Variants in TRPV1 observed in about 807,000 individuals in gnomAD.
The protein encoded by TRPV1 is transient receptor potential cation channel subfamily V member 1.
A neutral mutation model predicts 82.3 loss-of-function variants in TRPV1; 82 were observed. The ratio of observed to expected loss-of-function variants is 1.00; its 90% confidence interval spans 0.83 to 1.20. The LOEUF (loss-of-function observed/expected upper bound fraction) is 1.20, where lower values mean the gene tolerates loss of function less well. Among genes scored for constraint, TRPV1 ranks in the 50% most tolerant of loss-of-function variants. The probability of loss-of-function intolerance (pLI) is 0.00; values close to 1 mark genes in which losing one functional copy is unlikely to be tolerated. For missense variants in TRPV1, 1,067 were observed against 1,096.8 expected (o/e 0.97, Z 0.38); for synonymous variants, 515 against 467.7 (o/e 1.10, Z -1.30).
At chr17:3,574,623 G>C (rs774305137) in intron 13 of TRPV1, among the ~76,000 whole-genome samples, 1 of 152,226 alleles carries the variant, frequency 6.6e-6, no homozygotes, top group Non-Finnish European at 1.5e-5. Flanking sequence ...GTGGGACTCG[G>C]ATGAGCATCA....
chr17:3,571,129 T>C (rs1376652059), intron 16 of TRPV1, among the ~76,000 whole-genome samples: 1 of 152,224 alleles, frequency 6.6e-6, no homozygotes, highest in Non-Finnish European at 1.5e-5. Context: ...CCTGTTTGTG[T>C]CCGCACAGCC....
At chr17:3,589,703 C>T (rs540017401) in intron 7 of TRPV1, 104 bp downstream of exon 7, 667 of 1,344,938 alleles carry the variant, frequency 5.0e-4, no homozygotes, top group Non-Finnish European at 5.3e-4. Flanking sequence ...ATCAGAGTCC[C>T]GCACACACAG....
At chr17:3,572,351 T>C (rs2150826316) in intron 14 of TRPV1, 102 bp from the exon 15 acceptor site, 1 of 1,421,728 alleles carries the variant, frequency 7.0e-7, no homozygotes, top group South Asian at 1.3e-5. Context: ...CTCCCAGGCC[T>C]AGATGCCTCC....
At chr17:3,600,978 C>T (rs995484515) in intron 2 of TRPV1, among the ~76,000 whole-genome samples, 1 of 152,152 alleles carries the variant, frequency 6.6e-6, no homozygotes, top group African/African-American at 2.4e-5. Flanking sequence ...CTTCCCTGAG[C>T]TCCATCCCTG....
chr17:3,606,199 T>G (rs222742), intron 2 of TRPV1, among the ~76,000 whole-genome samples: 26,294 of 152,208 alleles, frequency 0.17, 3,234 homozygotes, highest in East Asian at 0.53. Flanking sequence ...TGACCTCAAG[T>G]GATCCGCCCT....
rs946680160 is a variant in TRPV1, at chr17:3,573,849, G to A, written c.1887C>T (p.Asn629=). ...PACRPPDSSY[N]SLYSTCLELF... ...GCTCCAGGCAGGTGGAGTACAGGCT[G>A]TTGTAGGAGCTATCGGGGGGCCTGC... Residue 629 remains asparagine, a synonymous_variant, in exon 14 of 17, where the codon AAC becomes AAT. Coordinates refer to ENST00000572705, the MANE Select transcript of TRPV1 (RefSeq NM_080704.4). The A allele has an allele frequency of 4.3e-6, 7 of 1,613,100 alleles. No individual in the cohort carries two copies. The African/African-American group carries it at 9.4e-5, about 22-fold the overall frequency.
intron 1 of TRPV1, 152 bp from the exon 2 acceptor site, chr17:3,608,717 G>T (rs1367302836): frequency 2.0e-5 from 3 of 152,176 alleles, no homozygotes; most frequent in African/African-American, 7.2e-5. Context: ...TTTCCTGGGT[G>T]ATTGGGAGAC....
At position 3,573,538 on chromosome 17, in the gene TRPV1, A is replaced by G. The variant is rs2456855; in HGVS notation, c.2103+95T>C. ...ACCCTCCTGGCCACACACCGCCCCC[A>G]CCACCCACCCACCTGCAGCCAGCTG... On this transcript the variant is annotated intron_variant, in intron 14 of 16. Transcript: ENST00000572705. 9.5e-4 allele frequency: 235 copies of G among 248,662 alleles called. 38 individuals are homozygous for G. The highest frequency in any genetic ancestry group is 2.7e-3 in the East Asian group (24 of 8,780). The allele number at this position is 248,662 out of a possible 1,614,324, so 15.4% of individuals were successfully genotyped here.
intron 2 of TRPV1, among the ~76,000 whole-genome samples, chr17:3,593,096 G>GTC (rs1400494469): frequency 2.8e-4 from 2 of 7,198 alleles, no homozygotes; most frequent in African/African-American, 1.1e-3. Flanking sequence ...GTGTGTGTGT[G>GTC]TGTGTGTGTG....
intron 2 of TRPV1, among the ~76,000 whole-genome samples, chr17:3,606,729 A>G (rs1017216569): frequency 6.6e-6 from 1 of 152,152 alleles, no homozygotes; most frequent in Non-Finnish European, 1.5e-5. Flanking sequence ...CTGTTTATTG[A>G]CAAACTGGGA....
chr17:3,594,545 G>T (rs1211819944), intron 2 of TRPV1, among the ~76,000 whole-genome samples: 1 of 152,166 alleles, frequency 6.6e-6, no homozygotes, highest in Non-Finnish European at 1.5e-5. Context: ...ACGGACGGCT[G>T]GCTACTGGCC....
rs2074888211 is a variant in TRPV1, at chr17:3,573,550, C to CCCCCCCCCCCCCCCCT, written c.2103+82_2103+83insAGGGGGGGGGGGGGGG. On this transcript the variant is annotated intron_variant, in intron 14 of 16. Coordinates refer to ENST00000572705, the MANE Select transcript of TRPV1 (RefSeq NM_080704.4). ...ACACACCGCCCCCACCACCCACCCA[C>CCCCCCCCCCCCCCCCT]CTGCAGCCAGCTGTGTAAGACAGCA... The CCCCCCCCCCCCCCCCT allele has an allele frequency of 2.1e-5, 12 of 574,538 alleles. No individual in the cohort carries two copies. The South Asian group carries it at 2.7e-4, about 13-fold the overall frequency. 35.6% of individuals were successfully genotyped at this position (574,538 alleles called of 1,614,324 possible).
At chr17:3,575,145 T>A (rs182578972) in intron 13 of TRPV1, among the ~76,000 whole-genome samples, 78 of 152,250 alleles carry the variant, frequency 5.1e-4, no homozygotes, top group South Asian at 1.0e-3. Context: ...CTCTTCTCTA[T>A]AACAGAATGC....
At chr17:3,604,113 G>A (rs222740) in intron 2 of TRPV1, among the ~76,000 whole-genome samples, 5,491 of 152,330 alleles carry the variant, frequency 0.036, 116 homozygotes, top group Middle Eastern at 0.071. Flanking sequence ...ATCAGATGGC[G>A]TATGTGTCAC....
chr17:3,581,958 A>T (rs1341916829), intron 10 of TRPV1, among the ~76,000 whole-genome samples: 1 of 148,082 alleles, frequency 6.8e-6, no homozygotes, highest in South Asian at 2.2e-4. Flanking sequence ...TGGGAGGCCA[A>T]GGTGGGCGGA....
Position 3,591,274 on chromosome 17 carries a change from C to T in TRPV1, c.364G>A (p.Val122Ile), listed in dbSNP as rs767148333. Residue 122 changes from valine (V) to isoleucine (I), a missense_variant, in exon 4 of 17, where the codon GTT becomes ATT. Physicochemically the swap from Val to Ile is conservative, Grantham distance 29. Transcript: ENST00000572705. Reference protein sequence around the residue: ...LYDRRSIFEAVAQNNCQDLES... With the variant: ...LYDRRSIFEAIAQNNCQDLES... Reference sequence around the variant, plus strand: ...AGATCCTGGCAGTTATTCTGAGCAACGGCTTCAAAGATACTCCTGCGATCA... The same window carrying T: ...AGATCCTGGCAGTTATTCTGAGCAATGGCTTCAAAGATACTCCTGCGATCA... 8.1e-5 allele frequency: 130 copies of T among 1,613,176 alleles called. No homozygotes were observed. The highest frequency in any genetic ancestry group is 1.3e-4 in the Admixed American group (8 of 59,948).
intron 13 of TRPV1, among the ~76,000 whole-genome samples, chr17:3,574,946 G>A (rs560428453): frequency 6.8e-6 from 1 of 147,484 alleles, no homozygotes; most frequent in South Asian, 2.2e-4. Context: ...AAAAGATGTG[G>A]ACATGTGAAA....
At chr17:3,571,355 C>G (rs1346470912) in intron 16 of TRPV1, among the ~76,000 whole-genome samples, 169 bp downstream of exon 16, 4 of 152,202 alleles carry the variant, frequency 2.6e-5, no homozygotes, top group Non-Finnish European at 5.9e-5. Flanking sequence ...GTGAGGTGCT[C>G]AAGTCAGCCC....
chr17:3,599,849 G>A (rs1483523340), intron 2 of TRPV1, among the ~76,000 whole-genome samples: 6 of 152,084 alleles, frequency 3.9e-5, no homozygotes, highest in Non-Finnish European at 8.8e-5. Context: ...TCGATCTCCT[G>A]ACCTTGTGAT....
Sources: gnomAD v4.1 joint callset for allele counts (sites outside exome capture counted in the v4.1 genomes callset) on GRCh38, gnomAD v4.1.1 for gene constraint, MANE v1.5 for transcripts, NCBI Gene and HGNC (gene_info 2026-07-23, HGNC 2026-07-21) for gene names.